The following GMDS variants were observed in gnomAD, a reference collection of about 807,000 sequenced individuals.
GMDS encodes the protein GDP-mannose 4,6 dehydratase.
In GMDS, 20 loss-of-function variants were observed where a neutral mutation model predicts 49.9. The ratio of observed to expected loss-of-function variants is 0.40; its 90% CI spans 0.28 to 0.58. The LOEUF is 0.58. Among genes scored for constraint, GMDS ranks in the 20% least tolerant of loss-of-function variants. The pLI is 0.42. For synonymous variants in GMDS, 177 were observed against 178.6 expected (o/e 0.99, Z 0.07); for missense variants, 362 against 481.4 (o/e 0.75, Z 2.32).
chr6:2,066,909 C>A (rs142880883), intron 4 of GMDS, among the ~76,000 whole-genome samples: 2 of 151,820 alleles, frequency 1.3e-5, no homozygotes, highest in Non-Finnish European at 2.9e-5. Context: ...CTGCACCAAG[C>A]GGACCTAATA....
intron 9 of GMDS, among the ~76,000 whole-genome samples, chr6:1,676,171 T>C (rs1764617025): frequency 6.6e-6 from 1 of 152,150 alleles, no homozygotes; most frequent in Non-Finnish European, 1.5e-5. Context: ...ATGAGTGAAC[T>C]CCCATTCACA....
chr6:1,968,791 G>A (rs903301531), intron 4 of GMDS, among the ~76,000 whole-genome samples: 18 of 151,912 alleles, frequency 1.2e-4, no homozygotes, highest in Admixed American at 4.6e-4. Context: ...TCTACTGAAC[G>A]CAAAAGCTGG....
chr6:1,897,848 GCC>G (rs1402570282), intron 7 of GMDS, among the ~76,000 whole-genome samples: 1 of 152,198 alleles, frequency 6.6e-6, no homozygotes, highest in African/African-American at 2.4e-5. Context: ...TCCCTAGACA[GCC>G]TTTCATGCAA....
chr6:1,937,778 G>T (rs1009896806), intron 6 of GMDS, among the ~76,000 whole-genome samples: 2 of 152,188 alleles, frequency 1.3e-5, no homozygotes, highest in African/African-American at 4.8e-5. Context: ...TAACTGCAAA[G>T]ACCTCATTTC....
chr6:2,223,151 A>C (rs78384044), intron 1 of GMDS, among the ~76,000 whole-genome samples: 21,076 of 149,784 alleles, frequency 0.14, 2,015 homozygotes, highest in East Asian at 0.42. Context: ...CTCTCTCTCT[A>C]TATATATATA....
rs1779521198 is a variant in GMDS, at chr6:2,201,292, A to G, written c.102+44029T>C. Among the ~76,000 whole-genome samples the G allele has an allele frequency of 2.1e-5, 3 of 144,722 alleles. No individual in the cohort carries two copies. The Admixed American group carries it at 2.1e-4, about 10-fold the overall frequency. The allele number at this position is 144,722 out of a possible 152,430, so 94.9% of individuals were successfully genotyped here. A position where few individuals can be genotyped will look rare whatever the true frequency, so the allele number is the denominator to read the frequency against. ...AGGTGAAGGATGAAGACAGAACACC[A>G]CATGCGCATCCGAGATGAAACCATC... is the stretch of plus-strand genomic sequence containing the variant. On this transcript the variant is annotated intron_variant, in intron 1 of 10. Transcript: ENST00000380815.
chr6:2,185,968 AG>A (rs1177924235), intron 1 of GMDS, among the ~76,000 whole-genome samples: 2 of 151,784 alleles, frequency 1.3e-5, no homozygotes, highest in Admixed American at 1.3e-4. Context: ...CCACGCGTTT[AG>A]TAATAATTCT....
chr6:2,202,638 A>G (rs1779602867), intron 1 of GMDS, among the ~76,000 whole-genome samples: 12 of 152,148 alleles, frequency 7.9e-5, no homozygotes, highest in Admixed American at 7.9e-4. Flanking sequence ...ATAGGCTCAG[A>G]GACTGGCCTC....
At chr6:1,763,905 A>C (rs1430801264) in intron 7 of GMDS, among the ~76,000 whole-genome samples, 1 of 152,106 alleles carries the variant, frequency 6.6e-6, no homozygotes, top group Non-Finnish European at 1.5e-5. Flanking sequence ...GCTCCCTTGG[A>C]GGGAGCAGTG....
intron 7 of GMDS, among the ~76,000 whole-genome samples, chr6:1,847,212 C>T (rs1170573711): frequency 5.3e-5 from 8 of 152,212 alleles, no homozygotes; most frequent in Admixed American, 3.3e-4. Flanking sequence ...CAAGCCACCA[C>T]GCCTGGCTAA....
chr6:2,218,766 T>C (rs147371547), intron 1 of GMDS, among the ~76,000 whole-genome samples: 1 of 152,348 alleles, frequency 6.6e-6, no homozygotes, highest in East Asian at 1.9e-4. Context: ...TTGAGAGCTA[T>C]GTTACGTGCC....
intron 4 of GMDS, among the ~76,000 whole-genome samples, chr6:2,100,203 C>A (rs1773842445): frequency 6.6e-6 from 1 of 151,938 alleles, no homozygotes; most frequent in African/African-American, 2.4e-5. Context: ...TTTTATATTT[C>A]AATATACCAA....
At chr6:2,090,967 T>C (rs1387938797) in intron 4 of GMDS, among the ~76,000 whole-genome samples, 1 of 152,232 alleles carries the variant, frequency 6.6e-6, no homozygotes, top group African/African-American at 2.4e-5. Context: ...TGTATCAGCA[T>C]TCATCCCTTT....
chr6:1,877,643 T>TCAAAAAA (rs776232284), intron 7 of GMDS, among the ~76,000 whole-genome samples: 4 of 51,800 alleles, frequency 7.7e-5, no homozygotes, highest in East Asian at 4.8e-4. Flanking sequence ...ATCTCAAAAA[T>TCAAAAAA]TAAAAAAAAA....
chr6:1,877,253 T>C (rs1759118554), intron 7 of GMDS, among the ~76,000 whole-genome samples: 1 of 152,170 alleles, frequency 6.6e-6, no homozygotes, highest in Non-Finnish European at 1.5e-5. Context: ...AGGGAAGGAT[T>C]GAAGGTACAC....
At chr6:1,854,877 T>C (rs1757876104) in intron 7 of GMDS, among the ~76,000 whole-genome samples, 1 of 152,206 alleles carries the variant, frequency 6.6e-6, no homozygotes, top group Admixed American at 6.5e-5. Flanking sequence ...AGCACAGAGA[T>C]AATTAGTAAA....
At chr6:1,943,549 G>C (rs987245573) in intron 6 of GMDS, among the ~76,000 whole-genome samples, 1 of 152,190 alleles carries the variant, frequency 6.6e-6, no homozygotes, top group African/African-American at 2.4e-5. Context: ...AAACAGGAAG[G>C]TATCTTTACA....
intron 7 of GMDS, among the ~76,000 whole-genome samples, chr6:1,781,718 A>G (rs954901882): frequency 1.3e-5 from 2 of 152,206 alleles, no homozygotes; most frequent in African/African-American, 2.4e-5. Flanking sequence ...TGCTGGTCAT[A>G]ACTTCCTTTC....
At chr6:1,903,542 G>A (rs1367877792) in intron 7 of GMDS, among the ~76,000 whole-genome samples, 1 of 152,168 alleles carries the variant, frequency 6.6e-6, no homozygotes, top group Non-Finnish European at 1.5e-5. Flanking sequence ...CAATTTACAG[G>A]TTCAGCAGGA....
Sources: allele counts gnomAD v4.1 joint callset (sites outside exome capture counted in the v4.1 genomes callset), GRCh38; gene constraint gnomAD v4.1.1; transcripts MANE v1.5; gene names NCBI Gene and HGNC (gene_info 2026-07-23, HGNC 2026-07-21).